The following POFUT3 variants were observed in gnomAD, a reference collection of about 807,000 sequenced individuals.
The protein encoded by POFUT3 is protein O-fucosyltransferase 3.
At chr8:33,429,805 G>A in the POFUT3 span, among the ~76,000 whole-genome samples, 1 of 152,046 alleles carries the variant, frequency 6.6e-6, no homozygotes, top group Admixed American at 6.6e-5. Flanking sequence ...AGGCCAGCCT[G>A]GCCAACATGG....
the POFUT3 span, among the ~76,000 whole-genome samples, chr8:33,468,255 A>AGAAGAAG: frequency 7.6e-6 from 1 of 131,286 alleles, no homozygotes; most frequent in African/African-American, 3.1e-5. Context: ...AAAAAAAAAA[A>AGAAGAAG]AAGAAGAAGA....
the POFUT3 span, among the ~76,000 whole-genome samples, chr8:33,467,272 CA>C: frequency 5.2e-4 from 38 of 73,466 alleles, no homozygotes; most frequent in South Asian, 3.3e-3. Flanking sequence ...GACTCTGTCT[CA>C]AAAAAAAAAA....
At chr8:33,348,170 CAAAA>C in the POFUT3 span, among the ~76,000 whole-genome samples, 59 of 95,048 alleles carry the variant, frequency 6.2e-4, no homozygotes, top group East Asian at 7.3e-4. Context: ...GACTCTGCCT[CAAAA>C]AAAAAAAAAA....
chr8:33,334,018 C>G, the POFUT3 span, among the ~76,000 whole-genome samples: 1 of 152,126 alleles, frequency 6.6e-6, no homozygotes, highest in East Asian at 1.9e-4. Flanking sequence ...CCAACATGCA[C>G]TAAGGAAAAT....
the POFUT3 span, among the ~76,000 whole-genome samples, chr8:33,435,222 A>T: frequency 4.8e-5 from 7 of 144,356 alleles, no homozygotes; most frequent in African/African-American, 1.3e-4. Context: ...TTTTAATTTA[A>T]TTTTTTTTTT....
the POFUT3 span, among the ~76,000 whole-genome samples, chr8:33,401,278 G>A: frequency 2.6e-5 from 4 of 152,240 alleles, no homozygotes; most frequent in South Asian, 4.2e-4. Context: ...GAGCCACTGT[G>A]CCTGGCCTAG....
At chr8:33,309,134 A>C in the POFUT3 span, among the ~76,000 whole-genome samples, 1 of 31,846 alleles carries the variant, frequency 3.1e-5, no homozygotes, top group African/African-American at 2.4e-4. Context: ...TAGTCTGGGG[A>C]GTGTAAAAAA....
chr8:33,472,900 C>A, the POFUT3 span, among the ~76,000 whole-genome samples: 6 of 152,326 alleles, frequency 3.9e-5, no homozygotes, highest in Admixed American at 2.6e-4. Flanking sequence ...CTTACACGCA[C>A]CCCCTGCTCG....
At chr8:33,409,399 G>A in the POFUT3 span, among the ~76,000 whole-genome samples, 4 of 151,404 alleles carry the variant, frequency 2.6e-5, no homozygotes, top group South Asian at 2.1e-4. Flanking sequence ...CACTGCACCC[G>A]GCCTGATCTG....
the POFUT3 span, among the ~76,000 whole-genome samples, chr8:33,404,626 G>A: frequency 6.6e-6 from 1 of 152,018 alleles, no homozygotes; most frequent in East Asian, 1.9e-4. Flanking sequence ...GCCACTTTGG[G>A]TCAAGTTCTT....
chr8:33,373,370 C>T, the POFUT3 span, among the ~76,000 whole-genome samples: 1 of 152,152 alleles, frequency 6.6e-6, no homozygotes, highest in African/African-American at 2.4e-5. Flanking sequence ...CAACTAATCC[C>T]TGTTTTTAAT....
chr8:33,344,247 G>A, the POFUT3 span, among the ~76,000 whole-genome samples: 1 of 152,242 alleles, frequency 6.6e-6, no homozygotes, highest in African/African-American at 2.4e-5. Flanking sequence ...GTTTTTAAAA[G>A]AGGGAAAGAA....
the POFUT3 span, chr8:33,452,876 A>T: frequency 1.2e-5 from 3 of 248,470 alleles, no homozygotes; most frequent in Admixed American, 1.0e-4. Context: ...TTGTGAATGT[A>T]ATGGAAATCT....
chr8:33,382,845 C>G, the POFUT3 span, among the ~76,000 whole-genome samples: 3 of 152,154 alleles, frequency 2.0e-5, no homozygotes, highest in African/African-American at 7.2e-5. Flanking sequence ...CTTCATCTAT[C>G]CCTTGCCCCA....
the POFUT3 span, among the ~76,000 whole-genome samples, chr8:33,410,944 C>A: frequency 1.3e-5 from 2 of 152,144 alleles, no homozygotes; most frequent in South Asian, 2.1e-4. Flanking sequence ...CTGATCACCA[C>A]CCCTAACAGC....
chr8:33,471,307 G>A, the POFUT3 span, among the ~76,000 whole-genome samples: 8 of 152,058 alleles, frequency 5.3e-5, no homozygotes, highest in Non-Finnish European at 8.8e-5. Context: ...GAGTGCAGTG[G>A]CGCAGTCTTG....
At chr8:33,366,151 A>T in the POFUT3 span, among the ~76,000 whole-genome samples, 1 of 152,220 alleles carries the variant, frequency 6.6e-6, no homozygotes, top group Non-Finnish European at 1.5e-5. Context: ...GCAAACTATC[A>T]CAAGGACAGA....
chr8:33,467,201 A>T, the POFUT3 span, among the ~76,000 whole-genome samples: 1 of 127,110 alleles, frequency 7.9e-6, no homozygotes, highest in African/African-American at 3.0e-5. Context: ...TGAACCCGGG[A>T]GGTGGAGGTT....
chr8:33,418,504 C>T, the POFUT3 span, among the ~76,000 whole-genome samples: 8 of 150,020 alleles, frequency 5.3e-5, no homozygotes, highest in Admixed American at 3.4e-4. Context: ...GGTTTCACCA[C>T]GTTGGCTGGG....
Sources: gnomAD v4.1 joint callset for allele counts (sites outside exome capture counted in the v4.1 genomes callset) on GRCh38, gnomAD v4.1.1 for gene constraint, MANE v1.5 for transcripts, NCBI Gene and HGNC (gene_info 2026-07-23, HGNC 2026-07-21) for gene names.